HABP4: variants seen among roughly 807,000 people sequenced by gnomAD.
The protein encoded by HABP4 is hyaluronan binding protein 4.
A neutral mutation model predicts 44.1 loss-of-function variants in HABP4; 32 were observed. The ratio of observed to expected loss-of-function variants is 0.73; its 90% confidence interval spans 0.55 to 0.97. HABP4 has a LOEUF of 0.97. Among genes scored for constraint, HABP4 ranks in the 50% least tolerant of loss-of-function variants. HABP4 has a pLI of 0.00. For synonymous variants in HABP4, 216 were observed against 218.0 expected, an observed-to-expected ratio of 0.99 and a Z score of 0.08; for missense variants, 503 against 561.9, an observed-to-expected ratio of 0.90 and a Z score of 1.06.
At position 96,488,325 on chromosome 9, in the gene HABP4, C is replaced by T. The variant is rs1200699156; in HGVS notation, c.1185+51C>T. 6 of 1,306,086 alleles carry T rather than the reference C, an allele frequency of 4.6e-6. No individual in the cohort carries two copies. The highest frequency in any genetic ancestry group is 6.4e-6 in the Non-Finnish European group (6 of 932,506). 80.9% of individuals were successfully genotyped at this position (1,306,086 alleles called of 1,614,324 possible). On this transcript the variant is annotated intron_variant, in intron 7 of 7. Transcript: ENST00000375249. The surrounding 1 kb of genome is among the most constrained non-coding windows in gnomAD (Gnocchi z 4.6). ...CGAAAGAAGTTAATAAGGACAGTGC[C>T]CTGGGCCCAGGATGGTCTAATTTCA...
In HABP4 at chr9:96,490,980, TG is replaced by T. The variant is rs1366391529; in HGVS notation, c.*946del. 1 of 152,266 alleles carries T rather than the reference TG, an allele frequency of 6.6e-6. No individual in the cohort carries two copies. Among genetic ancestry groups the T allele is most frequent in the Non-Finnish European group, 1.5e-5 (1 of 68,100 alleles). 9.4% of individuals were successfully genotyped at this position (152,266 alleles called of 1,614,324 possible). Reference sequence around the variant, plus strand: ...CTCTTTATTGCTTTTGGTGAAAGTTTGGGGTTGGGGGTACACCTCAGAGGTT... The same window carrying T: ...CTCTTTATTGCTTTTGGTGAAAGTTTGGGTTGGGGGTACACCTCAGAGGTT... On this transcript the variant is annotated 3_prime_UTR_variant, in exon 8 of 8. Transcript: ENST00000375249.
chr9:96,490,016 A>T lies in HABP4; in HGVS notation c.1220A>T (p.Glu407Val), dbSNP rs761804436. Residue 407 changes from glutamate (E) to valine (V), a missense_variant, in exon 8 of 8, where the codon GAA becomes GTA. Coordinates refer to ENST00000375249, the MANE Select transcript of HABP4 (RefSeq NM_014282.4). ...QDVAPNPDDP[E>V]DFPALS The stretch of plus-strand genomic sequence containing the variant: ...GTTGCCCCCAACCCAGATGACCCGG[A>T]AGATTTCCCTGCGCTGTCTTGAAAG... 17 of 1,604,420 alleles carry T rather than the reference A, an allele frequency of 1.1e-5. No individual in the cohort carries two copies. The East Asian group carries it at 3.8e-4, about 36-fold the overall frequency.
chr9:96,452,396 A>G (rs1011204734), intron 1 of HABP4, among the ~76,000 whole-genome samples: 7 of 152,140 alleles, frequency 4.6e-5, no homozygotes, highest in African/African-American at 1.4e-4. Flanking sequence ...TTTTCCTACT[A>G]ACACTTTGCA....
At chr9:96,459,979 T>G (rs537032132) in intron 2 of HABP4, among the ~76,000 whole-genome samples, 2 of 152,344 alleles carry the variant, frequency 1.3e-5, no homozygotes, top group Admixed American at 6.5e-5. Flanking sequence ...CTGCAAAGCT[T>G]CTTGTAGCAG....
At chr9:96,483,568 T>A (rs921497872) in intron 5 of HABP4, 1 of 152,224 alleles carries the variant, frequency 6.6e-6, no homozygotes, top group African/African-American at 2.4e-5. Context: ...AAAGAATTCT[T>A]TATGTATTCT....
intron 5 of HABP4, among the ~76,000 whole-genome samples, chr9:96,473,411 G>A (rs1392826812): frequency 6.6e-6 from 1 of 152,158 alleles, no homozygotes; most frequent in East Asian, 1.9e-4. Flanking sequence ...CTGCTCTGGT[G>A]ATTGTACCCC....
At chr9:96,460,634 AAC>A (rs1445916234) in intron 2 of HABP4, among the ~76,000 whole-genome samples, 1 of 152,222 alleles carries the variant, frequency 6.6e-6, no homozygotes, top group Non-Finnish European at 1.5e-5. Flanking sequence ...TTTAATTAGG[AAC>A]AGCTCCTTAG....
intron 5 of HABP4, among the ~76,000 whole-genome samples, chr9:96,472,634 C>T (rs144447468): frequency 1.8e-4 from 28 of 152,276 alleles, no homozygotes; most frequent in Middle Eastern, 3.4e-3. Context: ...TAGTTAGCTC[C>T]TTCCTTTTTT....
intron 1 of HABP4, among the ~76,000 whole-genome samples, chr9:96,456,888 T>C (rs1389658239): frequency 1.5e-5 from 2 of 137,530 alleles, no homozygotes; most frequent in African/African-American, 2.7e-5. Flanking sequence ...CCAAGAAAAA[T>C]TGAAGCCACT....
chr9:96,488,138 C>T lies in HABP4; in HGVS notation c.1049C>T (p.Ala350Val). The change falls in exon 7 of 8, where the codon GCC becomes GTC. Residue 350 changes from alanine to valine, a missense_variant. Ala to Val is a moderately conservative substitution (Grantham distance 64). Around this residue, in one of 3 missense-constraint regions of HABP4, gnomAD observed 131 missense variants for 189.8 expected, o/e 0.69. Coordinates refer to ENST00000375249, the MANE Select transcript of HABP4 (RefSeq NM_014282.4). The surrounding 1 kb of genome is among the most constrained non-coding windows in gnomAD (Gnocchi z 4.6). ...EDDSHVFRKP[A>V]NDITSQLEIN... ...GATTCCCATGTTTTCCGGAAACCCG[C>T]CAATGACATCACATCCCAGCTGGAG... is the stretch of plus-strand genomic sequence containing the variant. The T allele has an allele frequency of 6.2e-7, 1 of 1,613,436 alleles. No individual in the cohort carries two copies.
At chr9:96,455,051 C>G (rs1236353033) in intron 1 of HABP4, among the ~76,000 whole-genome samples, 1 of 151,988 alleles carries the variant, frequency 6.6e-6, no homozygotes, top group East Asian at 1.9e-4. Flanking sequence ...CCCCAGAAGT[C>G]AAGGCTGCAG....
chr9:96,484,545 G>C lies in HABP4; in HGVS notation c.911G>C (p.Arg304Thr). The C allele has an allele frequency of 6.3e-7, 1 of 1,591,710 alleles. No homozygotes were observed. Among genetic ancestry groups the C allele is most frequent in the Non-Finnish European group, 8.6e-7 (1 of 1,159,574 alleles). ...TGGAAAAATCTTCAAGAACAGACCA[G>C]ACCAAAGCCTGAGTTTAACATCCGG... ...DEWKNLQEQTRPKPEFNIRKP... is the reference protein window; with the variant it reads ...DEWKNLQEQTTPKPEFNIRKP... The change falls in exon 6 of 8, where the codon AGA (arginine) becomes ACA (threonine). Residue 304 changes from arginine to threonine, a missense_variant. Physicochemically the swap from Arg to Thr is moderately conservative, Grantham distance 71. Transcript: ENST00000375249.
rs1022213519 is a variant in HABP4, at chr9:96,488,341, T to C, written c.1185+67T>C. 1.8e-6 allele frequency: 2 copies of C among 1,091,320 alleles called. No homozygotes were observed. Among genetic ancestry groups the C allele is most frequent in the Non-Finnish European group, 1.3e-6 (1 of 760,512 alleles). 67.6% of individuals were successfully genotyped at this position (1,091,320 alleles called of 1,614,324 possible). ...GGACAGTGCCCTGGGCCCAGGATGG[T>C]CTAATTTCAGAGGGTCATGAGTTTC... On this transcript the variant is annotated intron_variant, in intron 7 of 7. Transcript: ENST00000375249. The surrounding 1 kb of genome is among the most constrained non-coding windows in gnomAD (Gnocchi z 4.6).
At chr9:96,478,235 C>A (rs1023880277) in intron 5 of HABP4, among the ~76,000 whole-genome samples, 118 of 151,948 alleles carry the variant, frequency 7.8e-4, no homozygotes, top group African/African-American at 2.8e-3. Context: ...CAGGTTCAAG[C>A]GATTCTCTTG....
intron 5 of HABP4, among the ~76,000 whole-genome samples, chr9:96,481,938 C>CT (rs112457385): frequency 0.033 from 4,730 of 142,186 alleles, 255 homozygotes; most frequent in African/African-American, 0.11. Context: ...ATCTCTAGAA[C>CT]TTTTTTTTTT....
chr9:96,452,173 G>T (rs930088254), intron 1 of HABP4, among the ~76,000 whole-genome samples: 1 of 148,722 alleles, frequency 6.7e-6, no homozygotes, highest in African/African-American at 2.5e-5. Flanking sequence ...CTTGCAGTGA[G>T]CCGAGATCGA....
chr9:96,458,687 G>A (rs1309147443), intron 2 of HABP4, 146 bp downstream of exon 2: 8 of 576,316 alleles, frequency 1.4e-5, no homozygotes, highest in Admixed American at 6.3e-5. Context: ...GCAATGGTGC[G>A]ATCTCGGCTC....
chr9:96,477,303 A>G (rs1326199822), intron 5 of HABP4, among the ~76,000 whole-genome samples: 1 of 152,166 alleles, frequency 6.6e-6, no homozygotes, highest in African/African-American at 2.4e-5. Context: ...ATATTTCTTT[A>G]TTTTTAGCTG....
chr9:96,452,849 A>T (rs567518130), intron 1 of HABP4, among the ~76,000 whole-genome samples: 6 of 151,482 alleles, frequency 4.0e-5, no homozygotes, highest in Middle Eastern at 3.4e-3. Context: ...CATGTTTGAC[A>T]TATCATAGAA....
Sources: allele counts gnomAD v4.1 joint callset (sites outside exome capture counted in the v4.1 genomes callset), GRCh38; gene constraint gnomAD v4.1.1; regional missense constraint gnomAD v4.1.1; non-coding constraint Gnocchi (gnomAD v3.1); transcripts MANE v1.5; gene names NCBI Gene and HGNC (gene_info 2026-07-23, HGNC 2026-07-21).